Variants in NBAS observed in about 807,000 individuals in gnomAD.
The protein encoded by NBAS is NAG/BC035112 fusion.
A neutral mutation model predicts 302.5 loss-of-function variants in NBAS; 219 were observed. That is an observed-to-expected ratio of 0.72 (90% CI 0.65 to 0.81). The LOEUF is 0.81. Among genes scored for constraint, NBAS ranks in the 30% least tolerant of loss-of-function variants. The pLI is 0.00. For synonymous variants in NBAS, 1,118 were observed against 1,021.6 expected, an observed-to-expected ratio of 1.09 and a Z score of -1.80; for missense variants, 2,932 against 2,841.6, an observed-to-expected ratio of 1.03 and a Z score of -0.72.
intron 8 of NBAS, among the ~76,000 whole-genome samples, chr2:15,536,175 A>T (rs1663499546): frequency 6.6e-6 from 1 of 152,248 alleles, no homozygotes; most frequent in Non-Finnish European, 1.5e-5. Context: ...CGAAATGATT[A>T]ATAGCCGGAT....
intron 35 of NBAS, among the ~76,000 whole-genome samples, chr2:15,346,720 C>G (rs966099329): frequency 1.3e-5 from 2 of 152,136 alleles, no homozygotes; most frequent in Non-Finnish European, 2.9e-5. Context: ...TATTGCAGCA[C>G]TATTTACAAA....
chr2:15,154,975 G>T, the NBAS span, among the ~76,000 whole-genome samples: 16 of 152,330 alleles, frequency 1.1e-4, no homozygotes, highest in Admixed American at 2.6e-4. Context: ...TTACAAATTT[G>T]TTGCTGATGA....
At chr2:14,984,817 T>G in the NBAS span, among the ~76,000 whole-genome samples, 1 of 152,202 alleles carries the variant, frequency 6.6e-6, no homozygotes, top group African/African-American at 2.4e-5. Context: ...GCAGGTCTTT[T>G]CCTACCTACT....
chr2:15,125,106 A>T, the NBAS span, among the ~76,000 whole-genome samples: 2 of 152,244 alleles, frequency 1.3e-5, no homozygotes, highest in Admixed American at 6.5e-5. Flanking sequence ...TAGAGCAGCT[A>T]CATGGGCTAT....
At chr2:14,930,678 G>A in the NBAS span, among the ~76,000 whole-genome samples, 3 of 152,168 alleles carry the variant, frequency 2.0e-5, no homozygotes, top group Admixed American at 2.0e-4. Context: ...ATAAACCTGA[G>A]TATTTTCTAT....
the NBAS span, among the ~76,000 whole-genome samples, chr2:15,055,916 A>G: frequency 6.6e-6 from 1 of 152,254 alleles, no homozygotes; most frequent in Admixed American, 6.5e-5. Context: ...ATACCATCAT[A>G]GTATAAATTC....
chr2:15,237,699 G>A (rs772796663), intron 45 of NBAS, among the ~76,000 whole-genome samples: 40 of 148,816 alleles, frequency 2.7e-4, no homozygotes, highest in Non-Finnish European at 5.2e-4. Context: ...AGGATCAAGC[G>A]ATTCACCTAC....
At chr2:15,104,416 T>A in the NBAS span, among the ~76,000 whole-genome samples, 18 of 152,262 alleles carry the variant, frequency 1.2e-4, no homozygotes, top group Admixed American at 7.9e-4. Flanking sequence ...TATTCAGCAC[T>A]CTTCTAGGCT....
downstream of NBAS, among the ~76,000 whole-genome samples, chr2:15,166,447 A>G (rs1664022818): frequency 2.0e-5 from 3 of 152,344 alleles, no homozygotes; most frequent in South Asian, 6.2e-4. Context: ...ATACTGTGAC[A>G]CTAGTGAGTG....
chr2:15,188,108 G>A (rs748189787), intron 49 of NBAS, among the ~76,000 whole-genome samples: 7 of 152,224 alleles, frequency 4.6e-5, no homozygotes, highest in African/African-American at 7.2e-5. Flanking sequence ...AATGGGCAAC[G>A]AGGCTTTGGT....
chr2:15,300,383 C>T (rs1670744932), intron 40 of NBAS, among the ~76,000 whole-genome samples: 1 of 152,306 alleles, frequency 6.6e-6, no homozygotes, highest in Admixed American at 6.5e-5. Flanking sequence ...TGGAGTTTGT[C>T]ATATTTAATT....
chr2:15,197,228 C>T (rs1665666748), intron 48 of NBAS, among the ~76,000 whole-genome samples: 1 of 152,190 alleles, frequency 6.6e-6, no homozygotes, highest in Non-Finnish European at 1.5e-5. Context: ...TTAGGTAGGA[C>T]TGTACAGAGG....
intron 40 of NBAS, among the ~76,000 whole-genome samples, chr2:15,307,857 A>G (rs537154660): frequency 7.6e-4 from 116 of 152,304 alleles, no homozygotes; most frequent in African/African-American, 2.7e-3. Flanking sequence ...TATGTTGCCT[A>G]CTTTCCTAAG....
the NBAS span, among the ~76,000 whole-genome samples, chr2:14,853,839 G>A: frequency 1.6e-5 from 2 of 128,100 alleles, no homozygotes; most frequent in South Asian, 2.6e-4. Context: ...ACCGAACACC[G>A]CATATTCTCA....
chr2:15,075,617 T>G, the NBAS span, among the ~76,000 whole-genome samples: 5 of 152,236 alleles, frequency 3.3e-5, no homozygotes. Flanking sequence ...TCCTACTCAA[T>G]CTTTTGTGAG....
chr2:15,016,949 T>C, the NBAS span, among the ~76,000 whole-genome samples: 1 of 152,152 alleles, frequency 6.6e-6, no homozygotes, highest in African/African-American at 2.4e-5. Flanking sequence ...TAAAATGGAG[T>C]ATCTATCCCC....
the NBAS span, among the ~76,000 whole-genome samples, chr2:14,927,751 G>T: frequency 2.6e-4 from 39 of 152,268 alleles, no homozygotes; most frequent in Non-Finnish European, 4.1e-4. Context: ...AACCTAATAG[G>T]TGCAGAAGTG....
In NBAS at chr2:15,473,277, T is replaced by C. The variant is rs776421851; in HGVS notation, c.1670A>G (p.Tyr557Cys). 1.1e-5 allele frequency: 17 copies of C among 1,614,114 alleles called. No individual in the cohort carries two copies. In the East Asian group the frequency reaches 3.6e-4, roughly 34 times the overall value. ...CGCTGACTTCCTCCACTGCCTCTGA[T>C]ATACAAGGTCAGTATCCAGGCCGTA... ...HTYGLDTDLV[Y>C]QRQWRKSAVN... Residue 557 changes from tyrosine (Y) to cysteine (C), a missense_variant, in exon 16 of 52, where the codon TAT becomes TGT. By Grantham distance (194) the Tyr-to-Cys change is radical. Transcript: ENST00000281513.
chr2:15,266,054 A>C (rs1669062073), intron 44 of NBAS, among the ~76,000 whole-genome samples: 1 of 152,164 alleles, frequency 6.6e-6, no homozygotes, highest in Non-Finnish European at 1.5e-5. Context: ...AGTTTCCCCC[A>C]TGCTGCTGCT....
Sources: gnomAD v4.1 joint callset for allele counts (sites outside exome capture counted in the v4.1 genomes callset) on GRCh38, gnomAD v4.1.1 for gene constraint, MANE v1.5 for transcripts, NCBI Gene and HGNC (gene_info 2026-07-23, HGNC 2026-07-21) for gene names.